ADGRA3: variants seen among roughly 807,000 people sequenced by gnomAD.
The protein encoded by ADGRA3 is G-protein coupled receptor 125.
Under a neutral mutation model 119.8 loss-of-function variants are expected in ADGRA3, and 56 were observed. That is an observed-to-expected ratio of 0.47 (90% CI 0.38 to 0.58). The LOEUF is 0.58. Ranked by LOEUF, ADGRA3 falls within the 20% of genes least tolerant of loss-of-function variation. ADGRA3 has a pLI of 0.00. For missense variants in ADGRA3, 1,516 were observed against 1,649.0 expected (o/e 0.92, Z 1.40); for synonymous variants, 607 against 623.8 (o/e 0.97, Z 0.40).
chr4:22,413,472 C>G, intron 13 of ADGRA3, 82 bp from the exon 14 acceptor site: 1 of 1,386,062 alleles, frequency 7.2e-7, no homozygotes, highest in Non-Finnish European at 1.0e-6. Flanking sequence ...GTAATGGGTA[C>G]TCTGCAAGAT....
In ADGRA3 at chr4:22,388,951, G is replaced by A. The variant is rs531878829; in HGVS notation, c.2724-4C>T. The A allele has an allele frequency of 1.2e-6, 2 of 1,611,850 alleles. No homozygotes were observed. Among genetic ancestry groups the A allele is most frequent in the South Asian group, 1.1e-5 (1 of 90,912 alleles). On this transcript the variant is annotated splice_region_variant and splice_polypyrimidine_tract_variant and intron_variant, in intron 18 of 18. Transcript: ENST00000334304. ...GGGTTCCCATGCCATCCAGCAACTG[G>A]AAAAGAAAATGGTAAACCAGATCGA... is the stretch of plus-strand genomic sequence containing the variant.
Position 22,435,330 on chromosome 4 carries a change from T to C in ADGRA3, c.1424A>G (p.Lys475Arg). The change falls in exon 10 of 19, where the codon AAG becomes AGG. Residue 475 changes from lysine to arginine, a missense_variant. Physicochemically the swap from Lys to Arg is conservative, Grantham distance 26 (BLOSUM62 2). Around this residue, in one of 2 missense-constraint regions of ADGRA3, gnomAD observed 1,088 missense variants for 1,107.1 expected, o/e 0.98. Coordinates refer to ENST00000334304, the MANE Select transcript of ADGRA3 (RefSeq NM_145290.4). ...AAGTACCTCTTTTGATTTTTCCTCC[T>C]TGGTAAATCTTCCAAATTTTTCAAT... is the stretch of plus-strand genomic sequence containing the variant. ...EMIEKFGRFT[K>R]EEKSKELGDV... 6.2e-7 allele frequency: 1 copy of C among 1,613,288 alleles called. No individual in the cohort carries two copies. Among genetic ancestry groups the C allele is most frequent in the South Asian group, 1.1e-5 (1 of 91,034 alleles).
At chr4:22,394,594 G>A (rs756742620) in intron 16 of ADGRA3, 5 of 152,150 alleles carry the variant, frequency 3.3e-5, no homozygotes, top group African/African-American at 1.2e-4. Context: ...ATCAGATGCT[G>A]ACTCAAAATG....
chr4:22,409,459 G>A (rs944886591), intron 14 of ADGRA3, among the ~76,000 whole-genome samples: 1 of 152,198 alleles, frequency 6.6e-6, no homozygotes, highest in South Asian at 2.1e-4. Context: ...ATCCCAAAAT[G>A]AGACTGTGAA....
chr4:22,473,583 T>C (rs1318576984), intron 2 of ADGRA3, among the ~76,000 whole-genome samples, 189 bp downstream of exon 2: 2 of 152,218 alleles, frequency 1.3e-5, no homozygotes, highest in African/African-American at 2.4e-5. Flanking sequence ...ACTTACTATC[T>C]GGCCCTTTAC....
intron 10 of ADGRA3, among the ~76,000 whole-genome samples, chr4:22,433,557 G>A (rs1177852365): frequency 6.6e-6 from 1 of 152,112 alleles, no homozygotes; most frequent in Non-Finnish European, 1.5e-5. Context: ...CGTCAACGCA[G>A]CCGACCACTC....
intron 7 of ADGRA3, 49 bp downstream of exon 7, chr4:22,442,601 T>C: frequency 7.6e-7 from 1 of 1,315,078 alleles, no homozygotes; most frequent in East Asian, 2.3e-5. Flanking sequence ...AAAGGATAAA[T>C]AAAATACACA....
chr4:22,434,501 C>T (rs964920072), intron 10 of ADGRA3, among the ~76,000 whole-genome samples: 15 of 152,090 alleles, frequency 9.9e-5, no homozygotes, highest in Non-Finnish European at 1.8e-4. Context: ...TCTTTCCAGG[C>T]GTGCCCTAAC....
chr4:22,486,625 G>T (rs1032120915), intron 1 of ADGRA3, among the ~76,000 whole-genome samples: 14 of 152,176 alleles, frequency 9.2e-5, no homozygotes, highest in Non-Finnish European at 1.6e-4. Context: ...CCTCCAAGGG[G>T]TGAGGATGTG....
At chr4:22,395,566 T>C (rs1186163665) in intron 16 of ADGRA3, among the ~76,000 whole-genome samples, 1 of 152,134 alleles carries the variant, frequency 6.6e-6, no homozygotes, top group African/African-American at 2.4e-5. Flanking sequence ...ACACAGTCAA[T>C]AGTACGGCTG....
chr4:22,436,350 A>G, intron 9 of ADGRA3, 90 bp downstream of exon 9: 1 of 934,178 alleles, frequency 1.1e-6, no homozygotes, highest in Non-Finnish European at 1.6e-6. Context: ...TGTTTTGCCT[A>G]GTATTAAAAA....
intron 12 of ADGRA3, 80 bp downstream of exon 12, chr4:22,420,806 G>T: frequency 7.3e-7 from 1 of 1,365,114 alleles, no homozygotes; most frequent in South Asian, 1.2e-5. Context: ...CTTTTAATAA[G>T]GTTATTTTGC....
rs1254285360 is a variant in ADGRA3 at position 22,388,830 on chromosome 4, C to T, written c.2841G>A (p.Glu947=). Residue 947 remains glutamate (E), a synonymous_variant, in exon 19 of 19, where the codon GAG becomes GAA. Coordinates refer to ENST00000334304, the MANE Select transcript of ADGRA3 (RefSeq NM_145290.4). The part of the protein sequence containing the change: ...SIFIQLKRHP[E]RKYELKEPTE... ...TGGGCTCCTTAAGCTCATATTTGCG[C>T]TCAGGGTGTCTTTTCAACTGAATAA... is the stretch of plus-strand genomic sequence containing the variant. 1 of 1,614,060 alleles carries T rather than the reference C, an allele frequency of 6.2e-7. No homozygotes were observed. Among genetic ancestry groups the T allele is most frequent in the Non-Finnish European group, 8.5e-7 (1 of 1,179,980 alleles).
intron 2 of ADGRA3, among the ~76,000 whole-genome samples, chr4:22,471,824 C>T (rs56029242): frequency 2.0e-5 from 3 of 152,096 alleles, no homozygotes; most frequent in East Asian, 1.9e-4. Context: ...AATAAACATA[C>T]CCCTGGCTGA....
chr4:22,473,080 A>C (rs971584366), intron 2 of ADGRA3: 1 of 152,170 alleles, frequency 6.6e-6, no homozygotes, highest in East Asian at 1.9e-4. Context: ...ATAAAATATC[A>C]AAGTTTATAC....
Position 22,389,095 on chromosome 4 carries a change from C to A in ADGRA3, c.2716G>T (p.Ala906Ser), listed in dbSNP as rs754833054. ...AGAATATAAAATACTCACTAGGGTG[C>A]GTTTGGCCGACTGCCGTAATTCTTA... ...NIKNYGSRPN[A>S]PYCWMAWEPS... The change falls in exon 18 of 19, where the codon GCA (alanine) becomes TCA (serine). Residue 906 changes from alanine to serine, a missense_variant. Coordinates refer to ENST00000334304, the MANE Select transcript of ADGRA3 (RefSeq NM_145290.4). 5.0e-6 allele frequency: 8 copies of A among 1,613,344 alleles called. No homozygotes were observed. In the East Asian group the frequency reaches 1.8e-4, roughly 36 times the overall value.
At chr4:22,420,702 G>T in intron 12 of ADGRA3, 184 bp downstream of exon 12, 1 of 606,306 alleles carries the variant, frequency 1.6e-6, no homozygotes, top group East Asian at 2.7e-5. Flanking sequence ...AAAATGCCTA[G>T]GGCCCTTGAA....
intron 5 of ADGRA3, among the ~76,000 whole-genome samples, chr4:22,445,644 A>G (rs1716805128): frequency 6.6e-6 from 1 of 152,214 alleles, no homozygotes; most frequent in African/African-American, 2.4e-5. Flanking sequence ...CTGTATGTCT[A>G]ACTAGACTGT....
intron 10 of ADGRA3, among the ~76,000 whole-genome samples, chr4:22,435,029 C>T (rs1253436891): frequency 3.9e-5 from 6 of 152,160 alleles, no homozygotes; most frequent in East Asian, 3.9e-4. Flanking sequence ...TAAGCCACAA[C>T]GTGGAGGCAG....
Sources: allele counts gnomAD v4.1 joint callset (sites outside exome capture counted in the v4.1 genomes callset), GRCh38; gene constraint gnomAD v4.1.1; regional missense constraint gnomAD v4.1.1; transcripts MANE v1.5; gene names NCBI Gene and HGNC (gene_info 2026-07-23, HGNC 2026-07-21).